Variants in JAZF1 observed in about 807,000 individuals in gnomAD.
JAZF1 encodes the protein JAZF zinc finger 1.
Under a neutral mutation model 26.4 loss-of-function variants are expected in JAZF1, and 8 were observed. That is an observed-to-expected ratio of 0.30 (90% CI 0.18 to 0.55). The LOEUF is 0.55. Ranked by LOEUF, JAZF1 falls within the 20% of genes least tolerant of loss-of-function variation. The pLI is 0.94. For missense variants in JAZF1, 199 were observed against 322.0 expected (o/e 0.62, Z 2.92); for synonymous variants, 126 against 122.3 (o/e 1.03, Z -0.20).
chr7:27,908,735 A>G (rs1784306324), intron 2 of JAZF1, among the ~76,000 whole-genome samples: 1 of 152,176 alleles, frequency 6.6e-6, no homozygotes, highest in Non-Finnish European at 1.5e-5. Flanking sequence ...GAACCAATGC[A>G]CTTTTTGTTC....
chr7:28,054,853 G>A (rs769028820), intron 1 of JAZF1, among the ~76,000 whole-genome samples: 2 of 152,068 alleles, frequency 1.3e-5, no homozygotes, highest in Non-Finnish European at 2.9e-5. Context: ...GACGGCTGGC[G>A]CTAGGTAGGA....
intron 3 of JAZF1, among the ~76,000 whole-genome samples, chr7:27,849,678 T>TA (rs1392631067): frequency 2.9e-4 from 44 of 151,598 alleles, no homozygotes; most frequent in Non-Finnish European, 4.7e-4. Flanking sequence ...GCTGGGGAGC[T>TA]TCTACTGGTT....
intron 1 of JAZF1, among the ~76,000 whole-genome samples, chr7:28,033,461 G>C (rs1783228377): frequency 6.6e-6 from 1 of 152,148 alleles, no homozygotes; most frequent in Non-Finnish European, 1.5e-5. Context: ...ATGTAAGCCT[G>C]TGAAGGCTCC....
intron 2 of JAZF1, among the ~76,000 whole-genome samples, chr7:27,903,863 T>C (rs889409458): frequency 6.6e-6 from 1 of 152,204 alleles, no homozygotes; most frequent in African/African-American, 2.4e-5. Context: ...CAACTATGCT[T>C]CATTTGAAGT....
chr7:28,080,368 C>G (rs1210593075), intron 1 of JAZF1, among the ~76,000 whole-genome samples: 2 of 152,220 alleles, frequency 1.3e-5, no homozygotes, highest in African/African-American at 4.8e-5. Flanking sequence ...TCCCTATCAG[C>G]AATAAAGCTG....
intron 2 of JAZF1, among the ~76,000 whole-genome samples, chr7:27,917,185 A>G (rs1304872680): frequency 6.6e-6 from 1 of 152,036 alleles, no homozygotes; most frequent in Non-Finnish European, 1.5e-5. Context: ...CTTGTCAAAC[A>G]TTTTCTTATT....
intron 2 of JAZF1, among the ~76,000 whole-genome samples, chr7:27,912,374 A>G (rs1784371617): frequency 6.6e-6 from 1 of 152,210 alleles, no homozygotes; most frequent in Admixed American, 6.5e-5. Flanking sequence ...TCTGCTCACA[A>G]TGCAGGAATT....
At chr7:28,114,849 A>C (rs1371617201) in intron 1 of JAZF1, among the ~76,000 whole-genome samples, 1 of 151,930 alleles carries the variant, frequency 6.6e-6, no homozygotes, top group Non-Finnish European at 1.5e-5. Context: ...AACGGGGCTT[A>C]TAGATGAGTA....
chr7:27,881,440 A>C (rs1049900106), intron 3 of JAZF1, among the ~76,000 whole-genome samples: 4 of 152,312 alleles, frequency 2.6e-5, no homozygotes, highest in African/African-American at 9.6e-5. Context: ...TTAATTAAAC[A>C]CTTTTTTCAA....
chr7:27,843,347 T>C (rs1394035469), intron 3 of JAZF1: 1 of 152,262 alleles, frequency 6.6e-6, no homozygotes, highest in Non-Finnish European at 1.5e-5. Context: ...TTGGCTTTTA[T>C]TTTCTCTTTC....
chr7:28,028,346 T>C (rs1303611571), intron 1 of JAZF1, among the ~76,000 whole-genome samples: 1 of 152,210 alleles, frequency 6.6e-6, no homozygotes, highest in Non-Finnish European at 1.5e-5. Context: ...CACTTGAATA[T>C]TACCTGCAGA....
intron 1 of JAZF1, among the ~76,000 whole-genome samples, chr7:28,035,824 CAA>C (rs1442962389): frequency 6.6e-6 from 1 of 152,140 alleles, no homozygotes; most frequent in Non-Finnish European, 1.5e-5. Context: ...TTCTCAATTT[CAA>C]TTCTAAAGCA....
intron 1 of JAZF1, among the ~76,000 whole-genome samples, chr7:28,167,402 T>C (rs1357998209): frequency 6.6e-6 from 1 of 152,110 alleles, no homozygotes; most frequent in East Asian, 1.9e-4. Context: ...AGGAAGAAAA[T>C]GAGGCACAGG....
intron 1 of JAZF1, among the ~76,000 whole-genome samples, chr7:27,998,637 C>T (rs1000521482): frequency 6.6e-6 from 1 of 152,186 alleles, no homozygotes; most frequent in African/African-American, 2.4e-5. Context: ...AATGTGAAAT[C>T]CAGATGCGGT....
intron 1 of JAZF1, among the ~76,000 whole-genome samples, chr7:28,094,663 G>A (rs1253568222): frequency 6.6e-6 from 1 of 152,210 alleles, no homozygotes; most frequent in Non-Finnish European, 1.5e-5. Flanking sequence ...CTGGCAGAAG[G>A]AACATGGGCA....
At chr7:27,944,638 T>C (rs1784899776) in intron 2 of JAZF1, among the ~76,000 whole-genome samples, 1 of 152,216 alleles carries the variant, frequency 6.6e-6, no homozygotes, top group Admixed American at 6.5e-5. Context: ...AACATATGGA[T>C]GTGAGATTTC....
At chr7:27,995,188 C>T (rs145639862) in intron 1 of JAZF1, among the ~76,000 whole-genome samples, 101 of 152,292 alleles carry the variant, frequency 6.6e-4, no homozygotes, top group South Asian at 1.7e-3. Flanking sequence ...ATGGCCATGG[C>T]ACACATTTAT....
At chr7:28,030,679 G>A (rs979712721) in intron 1 of JAZF1, among the ~76,000 whole-genome samples, 3 of 152,186 alleles carry the variant, frequency 2.0e-5, no homozygotes, top group African/African-American at 7.2e-5. Flanking sequence ...TATTTATAAT[G>A]TGAAGTACAG....
intron 2 of JAZF1, among the ~76,000 whole-genome samples, chr7:27,978,861 G>A (rs963280312): frequency 8.6e-5 from 13 of 151,900 alleles, no homozygotes; most frequent in South Asian, 6.3e-4. Flanking sequence ...GTGTGAGGGC[G>A]TGAGGGTGTA....
Sources: gnomAD v4.1 joint callset for allele counts (sites outside exome capture counted in the v4.1 genomes callset) on GRCh38, gnomAD v4.1.1 for gene constraint, MANE v1.5 for transcripts, NCBI Gene and HGNC (gene_info 2026-07-23, HGNC 2026-07-21) for gene names.